The following ZRANB3 variants were observed in gnomAD, a reference collection of about 807,000 sequenced individuals.
ZRANB3 encodes the protein DNA annealing helicase and endonuclease ZRANB3.
ZRANB3 carries 125 observed loss-of-function variants against 133.8 expected under a neutral mutation model. The ratio of observed to expected loss-of-function variants is 0.93; its 90% CI spans 0.81 to 1.08. ZRANB3 has a LOEUF of 1.08. Ranked by LOEUF, ZRANB3 falls within the 50% of genes least tolerant of loss-of-function variation. ZRANB3 has a pLI of 0.00. For missense variants in ZRANB3, 1,229 were observed against 1,275.5 expected (o/e 0.96, Z 0.56); for synonymous variants, 387 against 432.7 (o/e 0.89, Z 1.31).
intron 2 of ZRANB3, among the ~76,000 whole-genome samples, chr2:135,411,509 A>G (rs1308521901): frequency 6.6e-6 from 1 of 152,224 alleles, no homozygotes; most frequent in African/African-American, 2.4e-5. Context: ...AAGTCATGGA[A>G]TCAACCTAAG....
chr2:135,233,995 T>G (rs1372453478), intron 12 of ZRANB3, among the ~76,000 whole-genome samples: 1 of 152,176 alleles, frequency 6.6e-6, no homozygotes, highest in Non-Finnish European at 1.5e-5. Flanking sequence ...AGACACAGAC[T>G]GGCAAATTGG....
intron 6 of ZRANB3, among the ~76,000 whole-genome samples, chr2:135,339,425 A>C (rs1168936281): frequency 6.6e-6 from 1 of 151,834 alleles, no homozygotes; most frequent in African/African-American, 2.4e-5. Flanking sequence ...AACAAAAAAA[A>C]CAAAGAATTA....
At chr2:135,448,794 T>C (rs1486225900) in intron 2 of ZRANB3, among the ~76,000 whole-genome samples, 1 of 152,182 alleles carries the variant, frequency 6.6e-6, no homozygotes, top group East Asian at 1.9e-4. Context: ...CAAAATTGTA[T>C]GTGAAATGTG....
intron 2 of ZRANB3, among the ~76,000 whole-genome samples, chr2:135,419,765 G>T (rs540884447): frequency 6.6e-6 from 1 of 151,236 alleles, no homozygotes; most frequent in African/African-American, 2.4e-5. Context: ...CTACCCCATA[G>T]GCAGTGTACC....
chr2:135,230,481 C>T (rs746214025), intron 13 of ZRANB3, 32 bp downstream of exon 13: 2 of 1,466,882 alleles, frequency 1.4e-6, no homozygotes, highest in Admixed American at 2.6e-5. Context: ...ACTAACAGCC[C>T]TTACCTCCAT....
At chr2:135,482,407 GCT>G in intron 2 of ZRANB3, among the ~76,000 whole-genome samples, 1 of 147,480 alleles carries the variant, frequency 6.8e-6, no homozygotes, top group Admixed American at 6.8e-5. Context: ...TCATGATTTG[GCT>G]CTCTGTTTGT....
chr2:135,230,856 G>A lies in ZRANB3; in HGVS notation c.1611C>T (p.Thr537=), dbSNP rs772169065. 1 of 1,601,904 alleles carries A rather than the reference G, an allele frequency of 6.2e-7. No individual in the cohort carries two copies. The highest frequency in any genetic ancestry group is 2.2e-5 in the East Asian group (1 of 44,696). Reference sequence around the variant, plus strand: ...GGAATCTCTTTGATTCGTCACAGGAGGTCATCAACTGTCTTTTTTTAGGTT... The same window carrying A: ...GGAATCTCTTTGATTCGTCACAGGAAGTCATCAACTGTCTTTTTTTAGGTT... The part of the protein sequence containing the change: ...VPQPKKRQLM[T]SCDESKRFRE... The change falls in exon 13 of 21, where the codon ACC becomes ACT. Residue 537 remains threonine, a synonymous_variant. Coordinates refer to ENST00000264159, the MANE Select transcript of ZRANB3 (RefSeq NM_032143.4).
At chr2:135,259,856 G>C (rs1166077863) in intron 12 of ZRANB3, among the ~76,000 whole-genome samples, 1 of 151,946 alleles carries the variant, frequency 6.6e-6, no homozygotes, top group African/African-American at 2.4e-5. Flanking sequence ...TATAATGGAT[G>C]AAAGGGGGCT....
chr2:135,512,536 A>G (rs1471656395), intron 1 of ZRANB3, among the ~76,000 whole-genome samples: 1 of 151,850 alleles, frequency 6.6e-6, no homozygotes, highest in Non-Finnish European at 1.5e-5. Flanking sequence ...AAAACAAATG[A>G]AAAGATTCCT....
At chr2:135,372,665 T>C (rs1219998452) in intron 3 of ZRANB3, among the ~76,000 whole-genome samples, 1 of 151,772 alleles carries the variant, frequency 6.6e-6, no homozygotes, top group East Asian at 1.9e-4. Flanking sequence ...TGGGTGCCTG[T>C]AGTCCCAGCT....
At chr2:135,320,783 C>T (rs72982370) in intron 6 of ZRANB3, among the ~76,000 whole-genome samples, 6,758 of 152,178 alleles carry the variant, frequency 0.044, 498 homozygotes, top group African/African-American at 0.16. Flanking sequence ...TTCTCTTGTG[C>T]CTCTTGTAGC....
rs190411921 is a variant in ZRANB3, at chr2:135,413,805, C to A, written c.162-22985G>T. Among the ~76,000 whole-genome samples the A allele has an allele frequency of 7.7e-4, 117 of 152,184 alleles. 3 individuals are homozygous for A. Among genetic ancestry groups the A allele is most frequent in the Admixed American group, 6.3e-3 (96 of 15,258 alleles). On this transcript the variant is annotated intron_variant, in intron 2 of 20. Coordinates refer to ENST00000264159, the MANE Select transcript of ZRANB3 (RefSeq NM_032143.4). ...GAAGAGAGTGGGGGCCAATATTCAA[C>A]ATTCTTAAAGAAAAGAATTTTCAAC...
chr2:135,530,260 C>G (rs1310295468), intron 1 of ZRANB3, among the ~76,000 whole-genome samples: 4 of 151,884 alleles, frequency 2.6e-5, no homozygotes, highest in Non-Finnish European at 5.9e-5. Context: ...ACTTCGGAGC[C>G]CTGTCTTTAC....
Position 135,227,975 on chromosome 2 carries a change from G to A in ZRANB3, c.1995C>T (p.Asn665=), listed in dbSNP as rs961111779. The A allele has an allele frequency of 2.1e-5, 32 of 1,551,546 alleles. No individual in the cohort carries two copies. The highest frequency in any genetic ancestry group is 4.1e-5 in the African/African-American group (3 of 72,906). ...IDSLNHIQDK[N]EKDDSQKDTS... ...TGTCTTTCTGAGAATCATCCTTCTC[G>A]TTTTTATCCTGGATATGGTTGAGGC... Residue 665 remains asparagine, a synonymous_variant, in exon 14 of 21, where the codon AAC becomes AAT. Transcript: ENST00000264159.
chr2:135,505,093 T>G (rs1217335466), intron 1 of ZRANB3, among the ~76,000 whole-genome samples: 6 of 152,114 alleles, frequency 3.9e-5, no homozygotes, highest in African/African-American at 1.4e-4. Context: ...AACACCTTCC[T>G]CACCCCCTGG....
At chr2:135,478,040 C>T (rs908366060) in intron 2 of ZRANB3, among the ~76,000 whole-genome samples, 1 of 152,024 alleles carries the variant, frequency 6.6e-6, no homozygotes, top group Admixed American at 6.6e-5. Flanking sequence ...AGTCTGGAAA[C>T]ACACACACAT....
At chr2:135,306,441 C>T (rs954763060) in intron 8 of ZRANB3, among the ~76,000 whole-genome samples, 1 of 150,826 alleles carries the variant, frequency 6.6e-6, no homozygotes, top group African/African-American at 2.4e-5. Context: ...GCACCCGCCA[C>T]CACGCCCGGC....
intron 2 of ZRANB3, among the ~76,000 whole-genome samples, chr2:135,425,729 C>T (rs899666080): frequency 6.6e-6 from 1 of 152,182 alleles, no homozygotes; most frequent in East Asian, 1.9e-4. Context: ...TAAACACCCA[C>T]ATCAAAAAGT....
chr2:135,365,139 C>A (rs1685869112), intron 3 of ZRANB3, among the ~76,000 whole-genome samples: 2 of 151,702 alleles, frequency 1.3e-5, no homozygotes, highest in Admixed American at 1.3e-4. Context: ...TGGTGGCGGG[C>A]AACTATAATT....
Sources: gnomAD v4.1 joint callset for allele counts (sites outside exome capture counted in the v4.1 genomes callset) on GRCh38, gnomAD v4.1.1 for gene constraint, MANE v1.5 for transcripts, NCBI Gene and HGNC (gene_info 2026-07-23, HGNC 2026-07-21) for gene names.